Variants in PARD3B observed in about 807,000 individuals in gnomAD.
PARD3B encodes partitioning defective 3 homolog B.
In PARD3B, 103 loss-of-function variants were observed where a neutral mutation model predicts 130.2. That is an observed-to-expected ratio of 0.79 (90% CI 0.67 to 0.93). The LOEUF (loss-of-function observed/expected upper bound fraction) is 0.93. Among genes scored for constraint, PARD3B ranks in the 40% least tolerant of loss-of-function variants. The probability of loss-of-function intolerance (pLI) is 0.00; values close to 1 mark genes in which losing one functional copy is unlikely to be tolerated. For missense variants in PARD3B, 1,609 were observed against 1,499.2 expected, an observed-to-expected ratio of 1.07 and a Z score of -1.21; for synonymous variants, 583 against 553.2, an observed-to-expected ratio of 1.05 and a Z score of -0.76.
intron 2 of PARD3B, among the ~76,000 whole-genome samples, chr2:204,754,652 G>C (rs2125395328): frequency 6.6e-6 from 1 of 152,098 alleles, no homozygotes; most frequent in South Asian, 2.1e-4. Context: ...AATAGATTTG[G>C]GTACAAATAA....
intron 11 of PARD3B, among the ~76,000 whole-genome samples, chr2:205,166,425 C>T (rs1186725000): frequency 6.6e-6 from 1 of 152,098 alleles, no homozygotes; most frequent in Non-Finnish European, 1.5e-5. Context: ...GGTATGTACA[C>T]CAAAGTACAG....
intron 22 of PARD3B, among the ~76,000 whole-genome samples, chr2:205,610,460 G>A (rs1018420632): frequency 6.6e-6 from 1 of 152,152 alleles, no homozygotes; most frequent in Admixed American, 6.5e-5. Flanking sequence ...GTAGTTAACT[G>A]ACCCTTGAAT....
chr2:205,595,669 G>C (rs1360460530), intron 22 of PARD3B, among the ~76,000 whole-genome samples: 2 of 152,150 alleles, frequency 1.3e-5, no homozygotes, highest in East Asian at 3.9e-4. Context: ...ATAGAAGAGA[G>C]GGTGAACTTA....
At chr2:204,856,811 G>T (rs866947103) in intron 2 of PARD3B, among the ~76,000 whole-genome samples, 1 of 151,898 alleles carries the variant, frequency 6.6e-6, no homozygotes, top group South Asian at 2.1e-4. Flanking sequence ...TCCAATTTTG[G>T]CACCTGTGTG....
intron 1 of PARD3B, among the ~76,000 whole-genome samples, chr2:204,626,787 TATTTTCCCCCAAC>T (rs1433138561): frequency 1.3e-5 from 2 of 152,178 alleles, no homozygotes; most frequent in African/African-American, 4.8e-5. Context: ...TTGAAAGATT[TATTTTCCCCCAAC>T]ATTTTCTATG....
In PARD3B at chr2:204,642,415, G is replaced by A. The variant is rs931322064; in HGVS notation, c.121-43766G>A. On this transcript the variant is annotated intron_variant, in intron 1 of 22. Coordinates refer to ENST00000406610, the MANE Select transcript of PARD3B (RefSeq NM_001302769.2). The stretch of plus-strand genomic sequence containing the variant: ...TAGCTATACCTAGGAATTTAATGAT[G>A]TATCCTTTTTCTAGTGATTTAAATG... Among the ~76,000 whole-genome samples the A allele has an allele frequency of 1.6e-4, 24 of 152,138 alleles. 2 individuals are homozygous for A. Among genetic ancestry groups the A allele is most frequent in the Non-Finnish European group, 4.4e-5 (3 of 68,022 alleles).
At position 204,703,918 on chromosome 2, in the gene PARD3B, G is replaced by A. The variant is rs367909049; in HGVS notation, c.222+17636G>A. On this transcript the variant is annotated intron_variant, in intron 2 of 22. Transcript: ENST00000406610. ...TTTCTTGGCACCTTAAAAATTCAAG[G>A]AAGTTAATGAGTGCCAAATATCAAA... 2.0e-5 allele frequency among the ~76,000 whole-genome samples: 3 copies of A among 151,970 alleles called. No homozygotes were observed. In the South Asian group the frequency reaches 6.2e-4, roughly 32 times the overall value.
chr2:204,998,330 A>ATG (rs1694434292), intron 3 of PARD3B, among the ~76,000 whole-genome samples: 1 of 41,712 alleles, frequency 2.4e-5, no homozygotes, highest in South Asian at 8.3e-4. Context: ...ATATATATAT[A>ATG]TATATATATA....
At chr2:205,143,512 ACTT>A (rs1267540221) in intron 10 of PARD3B, among the ~76,000 whole-genome samples, 1 of 152,134 alleles carries the variant, frequency 6.6e-6, no homozygotes, top group Non-Finnish European at 1.5e-5. Flanking sequence ...GAACTTTTAA[ACTT>A]CTTGTAATTA....
At position 205,413,478 on chromosome 2, in the gene PARD3B, A is replaced by C. The variant is rs576915449; in HGVS notation, c.2741+12355A>C. ...TGAATAATGGATGAATGAATGAACA[A>C]CTATAAAACCGTACTGATTTTAATT... On this transcript the variant is annotated intron_variant, in intron 19 of 22. Coordinates refer to ENST00000406610, the MANE Select transcript of PARD3B (RefSeq NM_001302769.2). 3.3e-5 allele frequency among the ~76,000 whole-genome samples: 5 copies of C among 152,372 alleles called. No homozygotes were observed. The South Asian group carries it at 8.3e-4, about 25-fold the overall frequency.
chr2:205,380,916 A>ACATAT (rs2045377153), intron 18 of PARD3B, among the ~76,000 whole-genome samples: 2 of 71,356 alleles, frequency 2.8e-5, no homozygotes, highest in South Asian at 8.5e-4. Context: ...TATATAAAGA[A>ACATAT]TATATATAAT....
chr2:205,203,304 A>T (rs1311807576), intron 15 of PARD3B, among the ~76,000 whole-genome samples: 1 of 152,120 alleles, frequency 6.6e-6, no homozygotes, highest in East Asian at 1.9e-4. Flanking sequence ...GGCTCCTCTT[A>T]AAACTTGGAT....
chr2:204,844,010 A>G (rs1029977426), intron 2 of PARD3B, among the ~76,000 whole-genome samples: 3 of 152,162 alleles, frequency 2.0e-5, no homozygotes, highest in African/African-American at 7.2e-5. Context: ...ATGAAAGCCG[A>G]AATTCCATCA....
At chr2:204,614,966 G>T (rs183721436) in intron 1 of PARD3B, among the ~76,000 whole-genome samples, 2 of 152,118 alleles carry the variant, frequency 1.3e-5, no homozygotes, top group Non-Finnish European at 2.9e-5. Flanking sequence ...CCTAATACAC[G>T]CAAATTACTC....
At position 204,562,344 on chromosome 2, in the gene PARD3B, A is replaced by T. The variant is rs1229213067; in HGVS notation, c.120+16225A>T. Among the ~76,000 whole-genome samples the T allele has an allele frequency of 4.6e-5, 7 of 152,318 alleles. No homozygotes were observed. The East Asian group carries it at 1.4e-3, about 29-fold the overall frequency. On this transcript the variant is annotated intron_variant, in intron 1 of 22. Coordinates refer to ENST00000406610, the MANE Select transcript of PARD3B (RefSeq NM_001302769.2). ...TCTGATTGCTTATAGATTTATCCAAAGTGTGAGGCTGAAGTTAAGCTTCTA... is the reference window on the plus strand; with the variant it reads ...TCTGATTGCTTATAGATTTATCCAATGTGTGAGGCTGAAGTTAAGCTTCTA...
intron 2 of PARD3B, among the ~76,000 whole-genome samples, chr2:204,698,641 C>A (rs979057406): frequency 6.6e-6 from 1 of 151,680 alleles, no homozygotes; most frequent in Non-Finnish European, 1.5e-5. Context: ...TTATTCATTA[C>A]TTCAAAAATT....
intron 15 of PARD3B, among the ~76,000 whole-genome samples, chr2:205,218,160 G>A (rs1214190009): frequency 6.6e-6 from 1 of 151,794 alleles, no homozygotes; most frequent in Non-Finnish European, 1.5e-5. Context: ...CAAAGTGCTA[G>A]GATTACAAGA....
At chr2:204,970,256 T>C (rs1691588800) in intron 3 of PARD3B, among the ~76,000 whole-genome samples, 1 of 152,174 alleles carries the variant, frequency 6.6e-6, no homozygotes, top group African/African-American at 2.4e-5. Context: ...GAGTCAGTGA[T>C]ATGGAGCTAG....
rs771546892 is a variant in PARD3B at position 204,998,312 on chromosome 2, GTATATATATA to G, written c.394+33027_394+33036del. ...CTGCACATGTATCCCAGAACTTAAA[GTATATATATA>G]TATATATATATATATATATATATAT... On this transcript the variant is annotated intron_variant, in intron 3 of 22. Coordinates refer to ENST00000406610, the MANE Select transcript of PARD3B (RefSeq NM_001302769.2). Among the ~76,000 whole-genome samples, 126 of 51,976 alleles carry G rather than the reference GTATATATATA, an allele frequency of 2.4e-3. 4 individuals carry two copies. Among genetic ancestry groups the G allele is most frequent in the African/African-American group, 7.1e-3 (82 of 11,482 alleles). The allele number at this position is 51,976 out of a possible 152,430, so 34.1% of individuals were successfully genotyped here. A position where few individuals can be genotyped will look rare whatever the true frequency, so the allele number is the denominator to read the frequency against.
Sources: gnomAD v4.1 joint callset for allele counts (sites outside exome capture counted in the v4.1 genomes callset) on GRCh38, gnomAD v4.1.1 for gene constraint, MANE v1.5 for transcripts, NCBI Gene and HGNC (gene_info 2026-07-23, HGNC 2026-07-21) for gene names.